The following DLG2 variants were observed in gnomAD, a reference collection of about 807,000 sequenced individuals.
The protein encoded by DLG2 is disks large homolog 2.
In DLG2, 45 loss-of-function variants were observed where a neutral mutation model predicts 132.5. The observed-to-expected ratio is 0.34, with a 90% CI of 0.27 to 0.44. DLG2 has a LOEUF of 0.44. DLG2 is among the 20% of genes least tolerant of loss of function. The pLI is 1.00. For synonymous variants in DLG2, 424 were observed against 419.6 expected (o/e 1.01, Z -0.13); for missense variants, 1,045 against 1,196.9 (o/e 0.87, Z 1.87).
At chr11:84,274,595 T>G (rs527813839) in intron 7 of DLG2, among the ~76,000 whole-genome samples, 2 of 152,242 alleles carry the variant, frequency 1.3e-5, no homozygotes, top group Admixed American at 1.3e-4. Flanking sequence ...TTCATACTAA[T>G]GCCCTTGTAG....
At chr11:85,087,102 G>C (rs2068033739) in intron 6 of DLG2, among the ~76,000 whole-genome samples, 1 of 152,120 alleles carries the variant, frequency 6.6e-6, no homozygotes, top group Non-Finnish European at 1.5e-5. Flanking sequence ...AATATTTAAT[G>C]AACTCTATGC....
intron 6 of DLG2, among the ~76,000 whole-genome samples, chr11:85,018,957 A>G (rs1566660271): frequency 6.6e-6 from 1 of 152,112 alleles, no homozygotes; most frequent in Non-Finnish European, 1.5e-5. Flanking sequence ...TGACATGCCA[A>G]CTCTCATTCA....
intron 14 of DLG2, among the ~76,000 whole-genome samples, chr11:83,946,673 T>C (rs1270496640): frequency 6.6e-6 from 1 of 152,236 alleles, no homozygotes; most frequent in African/African-American, 2.4e-5. Context: ...AGAGTGTAAA[T>C]ATTAAGTTCT....
rs529156983 is a variant in DLG2 at position 84,750,521 on chromosome 11, A to T, written c.358-215790T>A. Among the ~76,000 whole-genome samples the T allele has an allele frequency of 6.6e-3, 1,006 of 152,138 alleles. 9 individuals are homozygous for T. The highest frequency in any genetic ancestry group is 0.023 in the African/African-American group (937 of 41,536). On this transcript the variant is annotated intron_variant, in intron 6 of 27. Transcript: ENST00000376104. Reference sequence around the variant, plus strand: ...TAAAACATTTTCCAAATTTATTTTTAAAAAAATAAATATCATATATAAATT... The same window carrying T: ...TAAAACATTTTCCAAATTTATTTTTTAAAAAATAAATATCATATATAAATT...
chr11:85,453,257 C>A lies in DLG2; in HGVS notation c.40+145400G>T. The A allele has an allele frequency of 8.8e-6, 3 of 342,552 alleles. No individual in the cohort carries two copies. In the South Asian group the frequency reaches 1.8e-4, roughly 20 times the overall value. The allele number at this position is 342,552 out of a possible 1,614,324, so 21.2% of individuals were successfully genotyped here. A position where few individuals can be genotyped will look rare whatever the true frequency, so the allele number is the denominator to read the frequency against. Reference sequence around the variant, plus strand: ...GTCCAGTGTTAGTAAACACTTGTGTCAATAATCTTCTGGAAATCCAGAATT... The same window carrying A: ...GTCCAGTGTTAGTAAACACTTGTGTAAATAATCTTCTGGAAATCCAGAATT... On this transcript the variant is annotated intron_variant, in intron 3 of 27. Transcript: ENST00000376104.
intron 4 of DLG2, among the ~76,000 whole-genome samples, chr11:85,182,924 GTGGCC>G (rs2079820558): frequency 6.6e-6 from 1 of 150,498 alleles, no homozygotes; most frequent in Admixed American, 6.7e-5. Context: ...TGACACCCTA[GTGGCC>G]TGACAGAGTC....
Position 85,021,326 on chromosome 11 carries a change from C to G in DLG2, c.357+90335G>C, listed in dbSNP as rs941475604. On this transcript the variant is annotated intron_variant, in intron 6 of 27. Transcript: ENST00000376104. ...TCCCACTGAAAGTCATAGTCTAAGT[C>G]GAAAGAAGAGCCATACATCTGTGCT... 81 of 1,270,906 alleles carry G rather than the reference C, an allele frequency of 6.4e-5. No individual in the cohort carries two copies. In the Middle Eastern group the frequency reaches 1.3e-3, roughly 20 times the overall value. 78.7% of individuals were successfully genotyped at this position (1,270,906 alleles called of 1,614,324 possible).
At chr11:85,250,666 G>A (rs541394860) in intron 4 of DLG2, among the ~76,000 whole-genome samples, 1 of 152,144 alleles carries the variant, frequency 6.6e-6, no homozygotes, top group Admixed American at 6.6e-5. Context: ...AGATCATGGA[G>A]CATATAATTT....
At chr11:84,155,846 A>C (rs2095417573) in intron 9 of DLG2, among the ~76,000 whole-genome samples, 1 of 152,154 alleles carries the variant, frequency 6.6e-6, no homozygotes, top group African/African-American at 2.4e-5. Flanking sequence ...TGCCTTAAAT[A>C]ATATACCAAG....
At chr11:83,951,750 T>C (rs1336485490) in intron 14 of DLG2, among the ~76,000 whole-genome samples, 1 of 152,172 alleles carries the variant, frequency 6.6e-6, no homozygotes, top group African/African-American at 2.4e-5. Context: ...ATAAGGGCTT[T>C]AGATTTCACT....
chr11:83,882,599 A>AT (rs1023108354), intron 15 of DLG2, among the ~76,000 whole-genome samples: 1 of 152,132 alleles, frequency 6.6e-6, no homozygotes, highest in Non-Finnish European at 1.5e-5. Context: ...GAGAAATACC[A>AT]TTTTTTTCTT....
Position 85,385,988 on chromosome 11 carries a change from C to T in DLG2, c.41-100623G>A, listed in dbSNP as rs571962228. 3.3e-5 allele frequency among the ~76,000 whole-genome samples: 5 copies of T among 152,276 alleles called. No homozygotes were observed. In the South Asian group the frequency reaches 1.0e-3, roughly 32 times the overall value. Reference sequence around the variant, plus strand: ...TCCCTGAGATGTCAGAGTTCATCCTCGAGGAGAATTAGTCTTTTAATTGAA... The same window carrying T: ...TCCCTGAGATGTCAGAGTTCATCCTTGAGGAGAATTAGTCTTTTAATTGAA... On this transcript the variant is annotated intron_variant, in intron 3 of 27. Transcript: ENST00000376104.
At chr11:85,175,393 A>T (rs923462906) in intron 4 of DLG2, among the ~76,000 whole-genome samples, 3 of 152,184 alleles carry the variant, frequency 2.0e-5, no homozygotes, top group Non-Finnish European at 4.4e-5. Context: ...GACACCAAAA[A>T]AGTCTTCAAT....
chr11:84,504,133 T>C (rs1363570144), intron 7 of DLG2, among the ~76,000 whole-genome samples: 42 of 152,224 alleles, frequency 2.8e-4, no homozygotes, highest in Non-Finnish European at 4.4e-5. Flanking sequence ...TTAGGAACTA[T>C]GAAGAAGTAA....
chr11:84,423,039 G>C (rs746542297), intron 7 of DLG2, among the ~76,000 whole-genome samples: 1 of 152,140 alleles, frequency 6.6e-6, no homozygotes, highest in Admixed American at 6.5e-5. Context: ...GTAAAGGGTA[G>C]ATGGAACTAT....
chr11:85,281,787 A>G (rs1422530254), intron 4 of DLG2, among the ~76,000 whole-genome samples: 1 of 152,076 alleles, frequency 6.6e-6, no homozygotes, highest in Non-Finnish European at 1.5e-5. Context: ...ACCACTATAG[A>G]GAACGGTATG....
chr11:84,603,924 C>A (rs556827760), intron 6 of DLG2, among the ~76,000 whole-genome samples: 87 of 151,830 alleles, frequency 5.7e-4, no homozygotes, highest in African/African-American at 2.0e-3. Context: ...TAGTTTTTGA[C>A]ATGGAAAAAT....
chr11:84,509,123 C>T (rs954357543), intron 7 of DLG2, among the ~76,000 whole-genome samples: 2 of 152,116 alleles, frequency 1.3e-5, no homozygotes, highest in African/African-American at 4.8e-5. Context: ...CTAAATAAAC[C>T]GTAATAACTC....
intron 11 of DLG2, among the ~76,000 whole-genome samples, chr11:84,017,178 A>G (rs1434733235): frequency 6.6e-6 from 1 of 152,100 alleles, no homozygotes; most frequent in Admixed American, 6.6e-5. Flanking sequence ...CAACTAGCCA[A>G]TGAATTTTAA....
Sources: gnomAD v4.1 joint callset for allele counts (sites outside exome capture counted in the v4.1 genomes callset) on GRCh38, gnomAD v4.1.1 for gene constraint, MANE v1.5 for transcripts, NCBI Gene and HGNC (gene_info 2026-07-23, HGNC 2026-07-21) for gene names.